The following ZNF334 variants were observed in gnomAD, a reference collection of about 807,000 sequenced individuals.
ZNF334 encodes the protein zinc finger protein 334.
A neutral mutation model predicts 12.4 loss-of-function variants in ZNF334; 14 were observed. That is an observed-to-expected ratio of 1.13 (90% CI 0.74 to 1.76). ZNF334 has a LOEUF of 1.76. ZNF334 is among the 40% of genes most tolerant of loss of function. The pLI is 0.00. For synonymous variants in ZNF334, 273 were observed against 269.6 expected, an observed-to-expected ratio of 1.01 and a Z score of -0.12; for missense variants, 797 against 804.5, an observed-to-expected ratio of 0.99 and a Z score of 0.11.
At chr20:46,510,757 C>CAA (rs11475698) in intron 2 of ZNF334, among the ~76,000 whole-genome samples, 1 of 98,314 alleles carries the variant, frequency 1.0e-5, no homozygotes, top group African/African-American at 4.0e-5. Context: ...GAGCCCATTT[C>CAA]AAAAAAAAAA....
the ZNF334 span, among the ~76,000 whole-genome samples, chr20:46,470,196 A>T: frequency 6.6e-6 from 1 of 152,214 alleles, no homozygotes; most frequent in Admixed American, 6.5e-5. Context: ...AATAATTTTT[A>T]TGAGCTGAGG....
chr20:46,478,817 T>G, the ZNF334 span, among the ~76,000 whole-genome samples: 1 of 152,202 alleles, frequency 6.6e-6, no homozygotes, highest in African/African-American at 2.4e-5. Flanking sequence ...TGCTGGCTTC[T>G]GTAGGGGCAT....
At chr20:46,463,437 G>C in the ZNF334 span, among the ~76,000 whole-genome samples, 13 of 152,326 alleles carry the variant, frequency 8.5e-5, no homozygotes, top group Admixed American at 7.8e-4. Flanking sequence ...GCAGATTTCA[G>C]CAGAAACGTC....
chr20:46,491,343 C>G, the ZNF334 span: 1 of 152,640 alleles, frequency 6.6e-6, no homozygotes, highest in East Asian at 1.9e-4. Flanking sequence ...TGTGGAAAAA[C>G]CTTTCACCGT....
At chr20:46,464,330 G>A in the ZNF334 span, 1 of 540,796 alleles carries the variant, frequency 1.8e-6, no homozygotes, top group Non-Finnish European at 3.7e-6. Flanking sequence ...CCGGCATTCT[G>A]GGTAGGACAC....
downstream of ZNF334, among the ~76,000 whole-genome samples, chr20:46,495,837 T>C (rs1220476083): frequency 6.6e-6 from 1 of 152,182 alleles, no homozygotes; most frequent in Non-Finnish European, 1.5e-5. Context: ...TAGGCCACTG[T>C]AGTGCTTGGG....
At chr20:46,488,668 G>A in the ZNF334 span, among the ~76,000 whole-genome samples, 1 of 151,656 alleles carries the variant, frequency 6.6e-6, no homozygotes, top group Admixed American at 6.6e-5. Context: ...CTTCTGCCCT[G>A]CAGGACTTCC....
At chr20:46,474,053 T>C in the ZNF334 span, among the ~76,000 whole-genome samples, 128 of 152,304 alleles carry the variant, frequency 8.4e-4, no homozygotes, top group African/African-American at 2.7e-3. Flanking sequence ...TTCTGAGGGA[T>C]GCTAAATGCA....
Position 46,501,199 on chromosome 20 carries a change from A to G in ZNF334, c.*97T>C, listed in dbSNP as rs761373681. ...CAGAAAAATTTTCCATATTCATTAC[A>G]TTTATAAGATTTTACTCCTCTATAC... On this transcript the variant is annotated 3_prime_UTR_variant, in exon 5 of 5. Transcript: ENST00000692313. The G allele has an allele frequency of 9.5e-6, 14 of 1,471,356 alleles. No homozygotes were observed. The highest frequency in any genetic ancestry group is 1.3e-5 in the Non-Finnish European group (14 of 1,103,574). The allele number at this position is 1,471,356 out of a possible 1,614,324, so 91.1% of individuals were successfully genotyped here. A position where few individuals can be genotyped will look rare whatever the true frequency, so the allele number is the denominator to read the frequency against.
chr20:46,485,356 T>G, the ZNF334 span, among the ~76,000 whole-genome samples: 1 of 152,120 alleles, frequency 6.6e-6, no homozygotes, highest in Non-Finnish European at 1.5e-5. Context: ...AAAGGATGAA[T>G]AGCTGAATAG....
the ZNF334 span, among the ~76,000 whole-genome samples, chr20:46,468,589 C>A: frequency 1.3e-5 from 2 of 152,042 alleles, no homozygotes; most frequent in Admixed American, 6.6e-5. Flanking sequence ...CGGGCCTATA[C>A]CCACTTTTAA....
the ZNF334 span, among the ~76,000 whole-genome samples, chr20:46,473,494 C>G: frequency 2.4e-3 from 370 of 152,306 alleles, no homozygotes; most frequent in Non-Finnish European, 4.2e-3. Context: ...AAGAACTGCT[C>G]TAACTATACC....
intron 2 of ZNF334, chr20:46,509,776 G>A (rs2061576158): frequency 1.5e-6 from 1 of 666,310 alleles, no homozygotes; most frequent in Admixed American, 2.1e-5. Flanking sequence ...AGCCTGGTGT[G>A]GGTGGGTGGC....
At chr20:46,479,834 G>A in the ZNF334 span, among the ~76,000 whole-genome samples, 1 of 152,210 alleles carries the variant, frequency 6.6e-6, no homozygotes, top group Non-Finnish European at 1.5e-5. Context: ...TAAGAACCTT[G>A]GCTTCCACAA....
Position 46,503,193 on chromosome 20 carries a change from A to G in ZNF334, c.242-96T>C, listed in dbSNP as rs1449083077. 6 of 1,354,836 alleles carry G rather than the reference A, an allele frequency of 4.4e-6. No homozygotes were observed. In the East Asian group the frequency reaches 1.0e-4, roughly 23 times the overall value. The allele number at this position is 1,354,836 out of a possible 1,614,324, so 83.9% of individuals were successfully genotyped here. On this transcript the variant is annotated intron_variant, in intron 4 of 4. Transcript: ENST00000692313. ...AGAAATGCATTGTTTTAGGGGTTAG[A>G]CTTCAGGCCAAGCCTTCCAAGATTA...
At chr20:46,486,745 T>C in the ZNF334 span, among the ~76,000 whole-genome samples, 4 of 152,210 alleles carry the variant, frequency 2.6e-5, no homozygotes, top group Non-Finnish European at 5.9e-5. Flanking sequence ...GATTACTTTC[T>C]GGACATCTGT....
chr20:46,467,987 A>G, the ZNF334 span, among the ~76,000 whole-genome samples: 3 of 152,214 alleles, frequency 2.0e-5, no homozygotes, highest in East Asian at 5.8e-4. Flanking sequence ...AAGAACAATT[A>G]GTGTTCTTTA....
chr20:46,473,471 T>C, the ZNF334 span, among the ~76,000 whole-genome samples: 1 of 152,248 alleles, frequency 6.6e-6, no homozygotes, highest in African/African-American at 2.4e-5. Context: ...TGTAAGATGA[T>C]AAACTTCTCC....
rs1476541308 is a variant in ZNF334, at chr20:46,502,106, C to T, written c.1233G>A (p.Glu411=). ...GEKPYECSEC[E]KTFFCQSALN... ...GGGCAGATTGACAAAAGAAGGTTTT[C>T]TCACATTCACTACATTCATAGGGTT... Residue 411 remains glutamate (E), a synonymous_variant, in exon 5 of 5, where the codon GAG becomes GAA. Coordinates refer to ENST00000692313, the MANE Select transcript of ZNF334 (RefSeq NM_001353824.2). 6.2e-7 allele frequency: 1 copy of T among 1,614,200 alleles called. No individual in the cohort carries two copies. Among genetic ancestry groups the T allele is most frequent in the South Asian group, 1.1e-5 (1 of 91,086 alleles).
Sources: gnomAD v4.1 joint callset for allele counts (sites outside exome capture counted in the v4.1 genomes callset) on GRCh38, gnomAD v4.1.1 for gene constraint, MANE v1.5 for transcripts, NCBI Gene and HGNC (gene_info 2026-07-23, HGNC 2026-07-21) for gene names.